Variants in CBFA2T3 observed in about 807,000 individuals in gnomAD.
CBFA2T3 encodes transcriptional corepressor CBFA2T3.
Under a neutral mutation model 58.6 loss-of-function variants are expected in CBFA2T3, and 31 were observed. The observed-to-expected ratio is 0.53, with a 90% confidence interval of 0.40 to 0.71. CBFA2T3 has a LOEUF of 0.71. Among genes scored for constraint, CBFA2T3 ranks in the 30% least tolerant of loss-of-function variants. The pLI, the probability that CBFA2T3 is intolerant of heterozygous loss-of-function variation, is 0.00. For missense variants in CBFA2T3, 1,076 were observed against 963.1 expected (o/e 1.12, Z -1.55); for synonymous variants, 531 against 421.9 (o/e 1.26, Z -3.17).
intron 7 of CBFA2T3, chr16:88,884,486 G>A (rs949318725): frequency 6.6e-6 from 1 of 152,424 alleles, no homozygotes; most frequent in Non-Finnish European, 1.5e-5. Flanking sequence ...TGTGGTATGG[G>A]GGTGCTGACG....
chr16:88,943,894 C>T (rs960755410), intron 1 of CBFA2T3, among the ~76,000 whole-genome samples: 2 of 152,140 alleles, frequency 1.3e-5, no homozygotes, highest in Non-Finnish European at 2.9e-5. Context: ...GTCACCTGTG[C>T]GGGAGACAGA....
intron 1 of CBFA2T3, among the ~76,000 whole-genome samples, chr16:88,972,494 C>G (rs993975186): frequency 2.6e-5 from 4 of 152,206 alleles, no homozygotes; most frequent in African/African-American, 7.2e-5. Flanking sequence ...TAAATCCTCC[C>G]TCATGGAGCT....
Position 88,928,091 on chromosome 16 carries a change from C to T in CBFA2T3, c.152-26435G>A, listed in dbSNP as rs141285027. 6.0e-3 allele frequency among the ~76,000 whole-genome samples: 908 copies of T among 152,286 alleles called. 13 individuals are homozygous for T. The highest frequency in any genetic ancestry group is 0.02 in the African/African-American group (839 of 41,550). On this transcript the variant is annotated intron_variant, in intron 1 of 11. Coordinates refer to ENST00000268679, the MANE Select transcript of CBFA2T3 (RefSeq NM_005187.6). ...ACCCCAGCAGGGAAGGCCACCTGGC[C>T]GAGACCCTGGCCACCACGGGGCCAT...
rs1972127533 is a variant in CBFA2T3, at chr16:88,953,314, G to C, written c.151+23343C>G. ...CGGGGCTGACAGGCACACAGCCAGT[G>C]GTGAAGGTTCACGGAAGAACGAAGG... On this transcript the variant is annotated intron_variant, in intron 1 of 11. Transcript: ENST00000268679. The surrounding 1 kb of genome is among the most constrained non-coding windows in gnomAD (Gnocchi z 4.9). Among the ~76,000 whole-genome samples, 1 of 152,214 alleles carries C rather than the reference G, an allele frequency of 6.6e-6. No homozygotes were observed. Among genetic ancestry groups the C allele is most frequent in the Admixed American group, 6.5e-5 (1 of 15,282 alleles).
intron 1 of CBFA2T3, among the ~76,000 whole-genome samples, chr16:88,914,001 G>A (rs1008936129): frequency 6.6e-6 from 1 of 152,148 alleles, no homozygotes; most frequent in African/African-American, 2.4e-5. Context: ...AGCTGCACCG[G>A]CCACTTCCTC....
At chr16:88,914,390 G>A (rs752811779) in intron 1 of CBFA2T3, among the ~76,000 whole-genome samples, 19 of 152,310 alleles carry the variant, frequency 1.2e-4, no homozygotes, top group Non-Finnish European at 2.1e-4. Context: ...GCAGTGCTGC[G>A]AGCATACATT....
intron 1 of CBFA2T3, chr16:88,951,525 C>T (rs1972072910): frequency 5.5e-6 from 2 of 365,168 alleles, no homozygotes; most frequent in African/African-American, 2.1e-5. Context: ...TTTAAAATTG[C>T]ACCTGCAGTA....
At chr16:88,900,590 G>C (rs948391651) in intron 2 of CBFA2T3, among the ~76,000 whole-genome samples, 1 of 152,180 alleles carries the variant, frequency 6.6e-6, no homozygotes, top group Non-Finnish European at 1.5e-5. Context: ...GAGGGGCTTC[G>C]TTTGAGTTTC....
At chr16:88,925,535 G>A (rs4039573) in intron 1 of CBFA2T3, among the ~76,000 whole-genome samples, 18,056 of 152,166 alleles carry the variant, frequency 0.12, 2,379 homozygotes, top group African/African-American at 0.32. Flanking sequence ...GCAGAAGGAC[G>A]ACTCTGAGGG....
chr16:88,918,606 C>A (rs890232046), intron 1 of CBFA2T3, among the ~76,000 whole-genome samples: 1 of 152,280 alleles, frequency 6.6e-6, no homozygotes, highest in Non-Finnish European at 1.5e-5. Flanking sequence ...TGTTGTGAGC[C>A]CCACACAGGA....
intron 1 of CBFA2T3, among the ~76,000 whole-genome samples, chr16:88,956,200 G>C (rs1972216379): frequency 6.6e-6 from 1 of 152,276 alleles, no homozygotes; most frequent in African/African-American, 2.4e-5. Flanking sequence ...AGGCCATGTA[G>C]AGCCTCCAGA....
chr16:88,962,670 G>A (rs28584867), intron 1 of CBFA2T3, among the ~76,000 whole-genome samples: 18,586 of 152,226 alleles, frequency 0.12, 1,375 homozygotes, highest in Middle Eastern at 0.24. Flanking sequence ...CCACGTAGCC[G>A]GAGCCAGTGC....
intron 2 of CBFA2T3, among the ~76,000 whole-genome samples, chr16:88,901,070 T>A (rs1567593009): frequency 6.6e-6 from 1 of 152,248 alleles, no homozygotes; most frequent in Non-Finnish European, 1.5e-5. Context: ...GCAGGTGACC[T>A]GCTGTATGAC....
chr16:88,926,037 C>T (rs201798913), intron 1 of CBFA2T3, among the ~76,000 whole-genome samples: 3 of 152,214 alleles, frequency 2.0e-5, no homozygotes, highest in Admixed American at 6.5e-5. Flanking sequence ...CTCCGTGAGA[C>T]GGGGGAGGCC....
chr16:88,893,651 G>A (rs1205738733), intron 3 of CBFA2T3, among the ~76,000 whole-genome samples: 7 of 152,212 alleles, frequency 4.6e-5, no homozygotes, highest in East Asian at 1.9e-4. Context: ...GCTGATGAGC[G>A]CGCTGCAGGG....
chr16:88,896,637 G>C lies in CBFA2T3; in HGVS notation c.379+1441C>G, dbSNP rs1371539353. ...GAGGATAGCCACTTGCGGTCACCCA[G>C]CCAGGCCAGGAGATGGCCCGTCACC... On this transcript the variant is annotated intron_variant, in intron 3 of 11. Transcript: ENST00000268679. Among the ~76,000 whole-genome samples, 4 of 152,214 alleles carry C rather than the reference G, an allele frequency of 2.6e-5. No individual in the cohort carries two copies. The East Asian group carries it at 7.7e-4, about 29-fold the overall frequency.
intron 1 of CBFA2T3, among the ~76,000 whole-genome samples, chr16:88,969,669 C>G (rs1182002560): frequency 6.6e-6 from 1 of 152,206 alleles, no homozygotes; most frequent in Non-Finnish European, 1.5e-5. Context: ...ACGCACAGAC[C>G]TCAGCACCGC....
chr16:88,973,312 C>T (rs76133836), intron 1 of CBFA2T3, among the ~76,000 whole-genome samples: 20,847 of 152,194 alleles, frequency 0.14, 1,726 homozygotes, highest in Middle Eastern at 0.24. Context: ...CTTGCAAAGA[C>T]AGAGGTAGTG....
chr16:88,904,988 C>T (rs1275398425), intron 1 of CBFA2T3, among the ~76,000 whole-genome samples: 1 of 152,136 alleles, frequency 6.6e-6, no homozygotes, highest in African/African-American at 2.4e-5. Flanking sequence ...GCCCCTGGCA[C>T]AGACTCTACC....
Sources: allele counts gnomAD v4.1 joint callset (sites outside exome capture counted in the v4.1 genomes callset), GRCh38; gene constraint gnomAD v4.1.1; non-coding constraint Gnocchi (gnomAD v3.1); transcripts MANE v1.5; gene names NCBI Gene and HGNC (gene_info 2026-07-23, HGNC 2026-07-21).